Variants in XRCC4 observed in about 807,000 individuals in gnomAD.
The protein encoded by XRCC4 is X-ray repair cross complementing 4.
Under a neutral mutation model 39.1 loss-of-function variants are expected in XRCC4, and 28 were observed. That is an observed-to-expected ratio of 0.72 (90% confidence interval 0.53 to 0.98). XRCC4 has a LOEUF of 0.98. Ranked by LOEUF, XRCC4 falls within the 50% of genes least tolerant of loss-of-function variation. XRCC4 has a pLI of 0.00. For synonymous variants in XRCC4, 123 were observed against 126.4 expected, an observed-to-expected ratio of 0.97 and a Z score of 0.18; for missense variants, 350 against 376.4, an observed-to-expected ratio of 0.93 and a Z score of 0.58.
At chr5:83,362,752 A>G in the XRCC4 span, among the ~76,000 whole-genome samples, 23,542 of 152,114 alleles carry the variant, frequency 0.15, 3,339 homozygotes, top group African/African-American at 0.38. Flanking sequence ...GGGGTTTTTG[A>G]TGATGGCAAA....
intron 7 of XRCC4, among the ~76,000 whole-genome samples, chr5:83,312,156 TA>T (rs1755730725): frequency 6.6e-6 from 1 of 152,156 alleles, no homozygotes; most frequent in South Asian, 2.1e-4. Context: ...TTGTTGGGGC[TA>T]AAAAACAAAA....
intron 7 of XRCC4, among the ~76,000 whole-genome samples, chr5:83,266,163 A>T (rs902041637): frequency 6.6e-6 from 1 of 151,824 alleles, no homozygotes. Flanking sequence ...TATTCACTAT[A>T]CATGGCCGGC....
chr5:83,353,366 A>T lies in XRCC4; in HGVS notation c.*124A>T. 1 of 735,302 alleles carries T rather than the reference A, an allele frequency of 1.4e-6. No individual in the cohort carries two copies. The highest frequency in any genetic ancestry group is 2.2e-6 in the Non-Finnish European group (1 of 456,584). 45.5% of individuals were successfully genotyped at this position (735,302 alleles called of 1,614,324 possible). On this transcript the variant is annotated 3_prime_UTR_variant, in exon 8 of 8. Coordinates refer to ENST00000396027, the MANE Select transcript of XRCC4 (RefSeq NM_003401.5). ...TATCTTACAATTTAATTACATACACAGTGAATTGAAACCATTGTGCAAAAT... is the reference window on the plus strand; with the variant it reads ...TATCTTACAATTTAATTACATACACTGTGAATTGAAACCATTGTGCAAAAT...
chr5:83,176,400 A>T (rs1288250933), intron 3 of XRCC4, among the ~76,000 whole-genome samples: 1 of 152,146 alleles, frequency 6.6e-6, no homozygotes, highest in Non-Finnish European at 1.5e-5. Context: ...CCTCTTATGT[A>T]CCCATAAAAA....
At chr5:83,079,242 C>T (rs980776274) in intron 1 of XRCC4, among the ~76,000 whole-genome samples, 2 of 152,162 alleles carry the variant, frequency 1.3e-5, no homozygotes, top group Non-Finnish European at 2.9e-5. Flanking sequence ...TTTAAGTTAT[C>T]TATAGAGAAA....
At chr5:83,092,772 A>G (rs1446741658) in intron 1 of XRCC4, among the ~76,000 whole-genome samples, 1 of 152,114 alleles carries the variant, frequency 6.6e-6, no homozygotes, top group Non-Finnish European at 1.5e-5. Context: ...TCTGTAGGAG[A>G]TTCACAAAAA....
intron 3 of XRCC4, among the ~76,000 whole-genome samples, chr5:83,156,577 T>G (rs1206061068): frequency 6.6e-6 from 1 of 152,100 alleles, no homozygotes; most frequent in African/African-American, 2.4e-5. Flanking sequence ...CACTGAGCTA[T>G]CCCTTCTTGG....
chr5:83,298,198 G>A (rs1273440539), intron 7 of XRCC4, among the ~76,000 whole-genome samples: 2 of 150,684 alleles, frequency 1.3e-5, no homozygotes, highest in East Asian at 1.9e-4. Flanking sequence ...GTTGAAAACC[G>A]TCTATGGCAC....
chr5:83,310,943 A>G, intron 7 of XRCC4: 2 of 433,052 alleles, frequency 4.6e-6, no homozygotes, highest in South Asian at 3.3e-5. Context: ...AAGGAAACTG[A>G]TCTTCCCTTC....
intron 7 of XRCC4, among the ~76,000 whole-genome samples, chr5:83,348,024 C>G (rs1308482473): frequency 6.6e-6 from 1 of 152,190 alleles, no homozygotes; most frequent in Non-Finnish European, 1.5e-5. Context: ...TGTCTCACAT[C>G]CAGGGCACAG....
intron 1 of XRCC4, among the ~76,000 whole-genome samples, chr5:83,080,506 A>C (rs934013593): frequency 6.8e-6 from 1 of 147,744 alleles, no homozygotes; most frequent in African/African-American, 2.5e-5. Context: ...TGCGTGGGCA[A>C]CAGAGCGAGA....
intron 7 of XRCC4, among the ~76,000 whole-genome samples, chr5:83,303,790 T>A (rs1755381327): frequency 6.6e-6 from 1 of 152,174 alleles, no homozygotes; most frequent in African/African-American, 2.4e-5. Flanking sequence ...TCTAAGATAA[T>A]GATCCAAATG....
At chr5:83,146,087 A>G (rs1164412797) in intron 3 of XRCC4, among the ~76,000 whole-genome samples, 1 of 152,168 alleles carries the variant, frequency 6.6e-6, no homozygotes, top group African/African-American at 2.4e-5. Flanking sequence ...CTAATTCCTT[A>G]GAATCAGTCT....
chr5:83,199,138 C>T (rs937687773), intron 4 of XRCC4, among the ~76,000 whole-genome samples: 7 of 152,172 alleles, frequency 4.6e-5, no homozygotes, highest in Admixed American at 2.0e-4. Context: ...CTTCATCTCT[C>T]TGCCTTCAAG....
intron 6 of XRCC4, among the ~76,000 whole-genome samples, chr5:83,210,547 T>A (rs1182964413): frequency 1.3e-5 from 2 of 152,212 alleles, no homozygotes; most frequent in East Asian, 3.8e-4. Flanking sequence ...AGTATTTGCC[T>A]TGTAATATAA....
intron 7 of XRCC4, among the ~76,000 whole-genome samples, chr5:83,322,349 A>C (rs1756103562): frequency 6.6e-6 from 1 of 152,042 alleles, no homozygotes; most frequent in Non-Finnish European, 1.5e-5. Flanking sequence ...GCAATTAAAG[A>C]CCTCAATGAA....
intron 7 of XRCC4, among the ~76,000 whole-genome samples, chr5:83,314,804 G>A (rs539319427): frequency 8.0e-4 from 122 of 152,162 alleles, no homozygotes; most frequent in Non-Finnish European, 1.5e-3. Flanking sequence ...CATTCTGACT[G>A]CTTCATTGCC....
At chr5:83,086,240 T>A (rs1745174242) in intron 1 of XRCC4, among the ~76,000 whole-genome samples, 3 of 152,170 alleles carry the variant, frequency 2.0e-5, no homozygotes, top group Non-Finnish European at 4.4e-5. Flanking sequence ...AGTTGACCCT[T>A]GAACAATATA....
chr5:83,162,796 G>T (rs1458719008), intron 3 of XRCC4, among the ~76,000 whole-genome samples: 1 of 152,098 alleles, frequency 6.6e-6, no homozygotes, highest in African/African-American at 2.4e-5. Flanking sequence ...TGTCCCTAGT[G>T]GTCACCATGT....
Sources: gnomAD v4.1 joint callset for allele counts (sites outside exome capture counted in the v4.1 genomes callset) on GRCh38, gnomAD v4.1.1 for gene constraint, MANE v1.5 for transcripts, NCBI Gene and HGNC (gene_info 2026-07-23, HGNC 2026-07-21) for gene names.